LHX8: variants seen among roughly 807,000 people sequenced by gnomAD.
LHX8 encodes the protein LIM/homeobox protein Lhx8.
LHX8 carries 12 observed loss-of-function variants against 40.3 expected under a neutral mutation model. The ratio of observed to expected loss-of-function variants is 0.30; its 90% CI spans 0.19 to 0.48. The LOEUF (loss-of-function observed/expected upper bound fraction) is 0.48, where lower values mean the gene tolerates loss of function less well. Ranked by LOEUF, LHX8 falls within the 20% of genes least tolerant of loss-of-function variation. LHX8 has a pLI of 0.99. For synonymous variants in LHX8, 179 were observed against 162.0 expected, an observed-to-expected ratio of 1.10 and a Z score of -0.80; for missense variants, 344 against 433.7, an observed-to-expected ratio of 0.79 and a Z score of 1.84.
At chr1:75,199,139 T>C in the LHX8 span, among the ~76,000 whole-genome samples, 1 of 152,226 alleles carries the variant, frequency 6.6e-6, no homozygotes, top group South Asian at 2.1e-4. Flanking sequence ...TAGCTTATGA[T>C]TTGCTATTGA....
chr1:75,177,857 C>T, the LHX8 span, among the ~76,000 whole-genome samples: 7 of 152,122 alleles, frequency 4.6e-5, no homozygotes, highest in Admixed American at 2.6e-4. Context: ...CCATCAATAC[C>T]TAGTTTATTG....
downstream of LHX8, among the ~76,000 whole-genome samples, chr1:75,162,056 T>C (rs1185262927): frequency 6.6e-6 from 1 of 152,104 alleles, no homozygotes; most frequent in Non-Finnish European, 1.5e-5. Flanking sequence ...GAAAAAACTT[T>C]TAGAACTTAG....
intron 6 of LHX8, among the ~76,000 whole-genome samples, chr1:75,147,944 G>A (rs1648505505): frequency 6.6e-6 from 1 of 152,180 alleles, no homozygotes. Context: ...CTATCTCTTA[G>A]CACTTGGCAT....
rs1298241938 is a variant in LHX8 at position 75,161,248 on chromosome 1, T to A, written c.*353T>A. 4.4e-6 allele frequency: 1 copy of A among 227,632 alleles called. No individual in the cohort carries two copies. The allele number at this position is 227,632 out of a possible 1,614,324, so 14.1% of individuals were successfully genotyped here. A position where few individuals can be genotyped will look rare whatever the true frequency, so the allele number is the denominator to read the frequency against. On this transcript the variant is annotated 3_prime_UTR_variant, in exon 9 of 9. Coordinates refer to ENST00000356261, the MANE Select transcript of LHX8 (RefSeq NM_001256114.2). ...AAATGTTTACAATCTTTTGTGAAAT[T>A]GTAGTTTATCATTAGTTTGTATCTG...
At position 75,143,105 on chromosome 1, in the gene LHX8, C is replaced by G. The variant is rs1478878193; in HGVS notation, c.360-13C>G. On this transcript the variant is annotated splice_polypyrimidine_tract_variant and intron_variant, in intron 4 of 8. Coordinates refer to ENST00000356261, the MANE Select transcript of LHX8 (RefSeq NM_001256114.2). ...ATTAAAATATTTACCTTCCACACCT[C>G]TATTTAATGTAGAAGGTATGGAACT... The G allele has an allele frequency of 6.3e-7, 1 of 1,599,878 alleles. No individual in the cohort carries two copies. Among genetic ancestry groups the G allele is most frequent in the Non-Finnish European group, 8.6e-7 (1 of 1,167,606 alleles).
intron 7 of LHX8, among the ~76,000 whole-genome samples, chr1:75,155,280 C>G (rs368425478): frequency 3.8e-4 from 52 of 138,366 alleles, no homozygotes; most frequent in East Asian, 2.3e-3. Flanking sequence ...TGTCGCCCAG[C>G]CTGGAGTGCA....
Position 75,134,620 on chromosome 1 carries a change from A to C in LHX8, c.-347A>C, listed in dbSNP as rs1648066921. 6.6e-6 allele frequency among the ~76,000 whole-genome samples: 1 copy of C among 152,050 alleles called. No homozygotes were observed. On this transcript the variant is annotated 5_prime_UTR_variant, in exon 1 of 9. The change abolishes an upstream ATG in the 5' untranslated region. Coordinates refer to ENST00000356261, the MANE Select transcript of LHX8 (RefSeq NM_001256114.2). ...TGTGATAAGCAGCCCTAGCAGTGCC[A>C]TGTATTGGAAGAACGATCAGATGTT...
At chr1:75,176,779 T>C in the LHX8 span, among the ~76,000 whole-genome samples, 2,257 of 152,296 alleles carry the variant, frequency 0.015, 20 homozygotes, top group Non-Finnish European at 0.023. Flanking sequence ...TTGCCTAGGT[T>C]TTCTTCTAGG....
the LHX8 span, among the ~76,000 whole-genome samples, chr1:75,168,852 T>G: frequency 6.6e-6 from 1 of 152,178 alleles, no homozygotes; most frequent in Non-Finnish European, 1.5e-5. Flanking sequence ...ACCCTTGAAA[T>G]GTCTCTAGAA....
chr1:75,133,868 T>C (rs1648039071), upstream of LHX8, among the ~76,000 whole-genome samples: 1 of 152,210 alleles, frequency 6.6e-6, no homozygotes, highest in Non-Finnish European at 1.5e-5. Flanking sequence ...AGCTTTTGTG[T>C]TGCTCAGATG....
chr1:75,140,823 T>G (rs1227115928), intron 3 of LHX8, among the ~76,000 whole-genome samples, 162 bp from the exon 4 acceptor site: 1 of 152,172 alleles, frequency 6.6e-6, no homozygotes, highest in African/African-American at 2.4e-5. Flanking sequence ...GATACATGTT[T>G]ACAAAAATGA....
the LHX8 span, among the ~76,000 whole-genome samples, chr1:75,186,924 A>G: frequency 6.6e-6 from 1 of 152,166 alleles, no homozygotes; most frequent in Non-Finnish European, 1.5e-5. Flanking sequence ...TTAACTTATA[A>G]TTGGAAGCCC....
intron 8 of LHX8, among the ~76,000 whole-genome samples, chr1:75,158,488 CT>C (rs1343194071): frequency 6.6e-6 from 1 of 152,090 alleles, no homozygotes; most frequent in African/African-American, 2.4e-5. Context: ...GAAGATATAT[CT>C]TCTATGATAT....
intron 1 of LHX8, among the ~76,000 whole-genome samples, chr1:75,136,302 A>C (rs1352759464): frequency 6.6e-6 from 1 of 151,752 alleles, no homozygotes; most frequent in African/African-American, 2.4e-5. Flanking sequence ...ATTGTTATTA[A>C]CTTGTTATCC....
chr1:75,181,157 C>T, the LHX8 span, among the ~76,000 whole-genome samples: 3 of 152,304 alleles, frequency 2.0e-5, no homozygotes, highest in East Asian at 5.8e-4. Context: ...AGTTAGGCTA[C>T]ATAGGTATCA....
At chr1:75,164,965 G>A (rs1463843946), downstream of LHX8, among the ~76,000 whole-genome samples, 1 of 152,066 alleles carries the variant, frequency 6.6e-6, no homozygotes, top group Admixed American at 6.6e-5. Flanking sequence ...GAGCCACTAC[G>A]TCCAGCCGAA....
At chr1:75,144,197 C>T (rs1276675056) in intron 6 of LHX8, among the ~76,000 whole-genome samples, 1 of 152,060 alleles carries the variant, frequency 6.6e-6, no homozygotes, top group Non-Finnish European at 1.5e-5. Context: ...GTATCAACAT[C>T]AAAGTGGAAA....
intron 5 of LHX8, 61 bp from the exon 6 acceptor site, chr1:75,143,784 A>G: frequency 8.1e-7 from 1 of 1,236,708 alleles, no homozygotes; most frequent in South Asian, 1.2e-5. Flanking sequence ...GAAACCTGTT[A>G]TTGTAAGATG....
the LHX8 span, among the ~76,000 whole-genome samples, chr1:75,172,256 C>T: frequency 3.3e-5 from 5 of 152,276 alleles, no homozygotes; most frequent in African/African-American, 9.6e-5. Context: ...TATACCAGTC[C>T]TGAGATCTTT....
Sources: allele counts gnomAD v4.1 joint callset (sites outside exome capture counted in the v4.1 genomes callset), GRCh38; gene constraint gnomAD v4.1.1; transcripts MANE v1.5; gene names NCBI Gene and HGNC (gene_info 2026-07-23, HGNC 2026-07-21).